Variants in PPFIA1 observed in about 807,000 individuals in gnomAD.
PPFIA1 encodes the protein liprin-alpha-1.
A neutral mutation model predicts 149.9 loss-of-function variants in PPFIA1; 25 were observed. The observed-to-expected ratio is 0.17, with a 90% CI of 0.12 to 0.23. The LOEUF (loss-of-function observed/expected upper bound fraction) is 0.23, where lower values mean the gene tolerates loss of function less well. Ranked by LOEUF, PPFIA1 falls within the 10% of genes least tolerant of loss-of-function variation. The pLI is 1.00. For missense variants in PPFIA1, 1,362 were observed against 1,506.5 expected (o/e 0.90, Z 1.59); for synonymous variants, 549 against 552.8 (o/e 0.99, Z 0.10).
At chr11:70,300,566 G>A (rs1459764036) in intron 2 of PPFIA1, among the ~76,000 whole-genome samples, 13 of 144,074 alleles carry the variant, frequency 9.0e-5, no homozygotes, top group Admixed American at 4.3e-4. Flanking sequence ...ATGGAGTCTC[G>A]CTCTGTCGCC....
At position 70,324,423 on chromosome 11, in the gene PPFIA1, G is replaced by T; in HGVS notation, c.286G>T (p.Glu96Ter). 1 of 1,611,450 alleles carries T rather than the reference G, an allele frequency of 6.2e-7. No homozygotes were observed. Among genetic ancestry groups the T allele is most frequent in the Non-Finnish European group, 8.5e-7 (1 of 1,178,774 alleles). The change falls in exon 3 of 28, where the codon GAA becomes TAA. Residue 96 changes from glutamate (E) to a stop codon, truncating the protein, a stop_gained. Coordinates refer to ENST00000253925, the MANE Select transcript of PPFIA1 (RefSeq NM_003626.5). LOFTEE classifies it high-confidence loss of function. ...CTAGGAGTTCGCAGCACTTACTAAA[G>T]AACTCAATGTATGCAGGGAACAGCT... Reference protein sequence around the residue: ...LPQEFAALTKELNVCREQLLE... With the variant: ...LPQEFAALTK
intron 16 of PPFIA1, 148 bp from the exon 17 acceptor site, chr11:70,354,153 T>C (rs1476613198): frequency 2.4e-6 from 2 of 827,892 alleles, no homozygotes; most frequent in Non-Finnish European, 3.7e-6. Flanking sequence ...TGCGTGGCCC[T>C]TCAGAATGGT....
At chr11:70,378,752 G>A (rs2135462609) in intron 26 of PPFIA1, among the ~76,000 whole-genome samples, 1 of 152,356 alleles carries the variant, frequency 6.6e-6, no homozygotes, top group Non-Finnish European at 1.5e-5. Flanking sequence ...CCCCAGTGGA[G>A]CGAGGCAGCT....
intron 27 of PPFIA1, among the ~76,000 whole-genome samples, chr11:70,382,684 C>T (rs950915213): frequency 7.9e-5 from 12 of 152,182 alleles, no homozygotes; most frequent in Non-Finnish European, 1.5e-4. Flanking sequence ...TGGTGAGTGG[C>T]CCGCCCTCTC....
Position 70,330,314 on chromosome 11 carries a change from C to A in PPFIA1, c.1072C>A (p.Arg358=), listed in dbSNP as rs577226515. The part of the protein sequence containing the change: ...NEIANKDSMH[R]QTEDKNRQLQ... ...AATTGCAAATAAAGATTCTATGCATCGACAGGTAATGGATTTTATCGACCT... is the reference window on the plus strand; with the variant it reads ...AATTGCAAATAAAGATTCTATGCATAGACAGGTAATGGATTTTATCGACCT... Residue 358 remains arginine (R), a synonymous_variant, in exon 8 of 28, where the codon CGA becomes AGA. Coordinates refer to ENST00000253925, the MANE Select transcript of PPFIA1 (RefSeq NM_003626.5). The A allele has an allele frequency of 1.9e-6, 3 of 1,574,912 alleles. No individual in the cohort carries two copies. The highest frequency in any genetic ancestry group is 2.6e-6 in the Non-Finnish European group (3 of 1,164,938).
At chr11:70,295,734 G>A (rs971144778) in intron 2 of PPFIA1, among the ~76,000 whole-genome samples, 10 of 149,958 alleles carry the variant, frequency 6.7e-5, no homozygotes, top group African/African-American at 2.5e-4. Context: ...CCGGGCAGGG[G>A]GCTGACCCCC....
At chr11:70,310,328 A>T (rs934011332) in intron 2 of PPFIA1, among the ~76,000 whole-genome samples, 1 of 151,452 alleles carries the variant, frequency 6.6e-6, no homozygotes, top group African/African-American at 2.4e-5. Context: ...CACCCTCCTT[A>T]GTTGCTAAGC....
chr11:70,280,914 T>TC (rs1341785415), intron 2 of PPFIA1, among the ~76,000 whole-genome samples: 1 of 152,116 alleles, frequency 6.6e-6, no homozygotes, highest in African/African-American at 2.4e-5. Flanking sequence ...ACCTCACTCA[T>TC]CCCCTCTTCA....
intron 2 of PPFIA1, among the ~76,000 whole-genome samples, chr11:70,310,738 T>C (rs907854872): frequency 6.6e-6 from 1 of 152,146 alleles, no homozygotes; most frequent in Admixed American, 6.5e-5. Flanking sequence ...CTCTTCCAAA[T>C]GAAAACCCCA....
chr11:70,339,477 GTTTTGTTTTTGT>G (rs143240286), intron 14 of PPFIA1, among the ~76,000 whole-genome samples, 171 bp downstream of exon 14: 3,643 of 152,168 alleles, frequency 0.024, 166 homozygotes, highest in African/African-American at 0.084. Flanking sequence ...TTAAAATAGG[GTTTTGTTTTTGT>G]TTTTGTTTTT....
intron 5 of PPFIA1, 78 bp from the exon 6 acceptor site, chr11:70,326,184 C>T: frequency 1.2e-6 from 1 of 827,898 alleles, no homozygotes. Context: ...TTGTGTTTTT[C>T]CAAAAGGAGT....
At chr11:70,356,394 C>G (rs1175465970) in intron 19 of PPFIA1, 140 bp downstream of exon 19, 1 of 671,528 alleles carries the variant, frequency 1.5e-6, no homozygotes, top group South Asian at 2.0e-5. Flanking sequence ...CTTAATTAAG[C>G]CGTACTTTCT....
In PPFIA1 at chr11:70,275,009, C is replaced by T. The variant is rs533395976; in HGVS notation, c.264+2573C>T. Among the ~76,000 whole-genome samples the T allele has an allele frequency of 3.3e-4, 51 of 152,302 alleles. No individual in the cohort carries two copies. The South Asian group carries it at 5.8e-3, about 17-fold the overall frequency. ...ATGATGGTGTGTGCATTTGTTCAGC[C>T]TCAGTAGAGAGTGCCAAAAGTGGTG... On this transcript the variant is annotated intron_variant, in intron 2 of 27. Coordinates refer to ENST00000253925, the MANE Select transcript of PPFIA1 (RefSeq NM_003626.5).
At chr11:70,376,946 G>A (rs2057516579) in intron 25 of PPFIA1, among the ~76,000 whole-genome samples, 2 of 151,996 alleles carry the variant, frequency 1.3e-5, no homozygotes, top group South Asian at 4.2e-4. Context: ...TGTGGTAGGT[G>A]CCTATAATCG....
At position 70,335,640 on chromosome 11, in the gene PPFIA1, T is replaced by C. The variant is rs1347891808; in HGVS notation, c.1374T>C (p.Ser458=). ...SDTVDKLLSE[S]NERLQLHLKE... ...CTGTTGACAAGCTGCTTTCAGAATC[T>C]AATGAGAGGCTTCAACTTCATCTTA... is the stretch of plus-strand genomic sequence containing the variant. Residue 458 remains serine (S), a synonymous_variant, in exon 11 of 28, where the codon TCT becomes TCC. Coordinates refer to ENST00000253925, the MANE Select transcript of PPFIA1 (RefSeq NM_003626.5). The C allele has an allele frequency of 1.9e-6, 3 of 1,614,064 alleles. No homozygotes were observed. In the South Asian group the frequency reaches 3.3e-5, roughly 18 times the overall value.
At chr11:70,333,886 C>G (rs193238421) in intron 10 of PPFIA1, among the ~76,000 whole-genome samples, 1 of 152,262 alleles carries the variant, frequency 6.6e-6, no homozygotes, top group South Asian at 2.1e-4. Flanking sequence ...CCCCCCTACC[C>G]CCTGCAAATG....
At chr11:70,279,824 A>G (rs760347224) in intron 2 of PPFIA1, among the ~76,000 whole-genome samples, 1 of 145,864 alleles carries the variant, frequency 6.9e-6, no homozygotes, top group Non-Finnish European at 1.5e-5. Context: ...CTTGGGCTCA[A>G]GCAGTCTTCC....
chr11:70,280,956 T>C (rs1170189516), intron 2 of PPFIA1, among the ~76,000 whole-genome samples: 6 of 152,176 alleles, frequency 3.9e-5, no homozygotes, highest in Non-Finnish European at 8.8e-5. Context: ...AGCCCATAGA[T>C]TGAGTTCTTA....
chr11:70,353,356 G>A (rs1180018356), intron 16 of PPFIA1, among the ~76,000 whole-genome samples: 1 of 152,158 alleles, frequency 6.6e-6, no homozygotes, highest in African/African-American at 2.4e-5. Context: ...GTCCAGCCTG[G>A]AATCACAGCA....
Sources: allele counts gnomAD v4.1 joint callset (sites outside exome capture counted in the v4.1 genomes callset), GRCh38; gene constraint gnomAD v4.1.1; transcripts MANE v1.5; gene names NCBI Gene and HGNC (gene_info 2026-07-23, HGNC 2026-07-21).